Variants in CNTNAP2 observed in about 807,000 individuals in gnomAD.
CNTNAP2 encodes contactin-associated protein-like 2.
A neutral mutation model predicts 155.2 loss-of-function variants in CNTNAP2; 98 were observed. The observed-to-expected ratio is 0.63, with a 90% CI of 0.54 to 0.75. CNTNAP2 has a LOEUF of 0.75. Ranked by LOEUF, CNTNAP2 falls within the 30% of genes least tolerant of loss-of-function variation. The probability of loss-of-function intolerance (pLI) is 0.00; values close to 1 mark genes in which losing one functional copy is unlikely to be tolerated. For missense variants in CNTNAP2, 1,727 were observed against 1,688.1 expected (o/e 1.02, Z -0.40); for synonymous variants, 651 against 631.2 (o/e 1.03, Z -0.47).
intron 13 of CNTNAP2, among the ~76,000 whole-genome samples, chr7:147,872,173 G>T (rs551075574): frequency 6.6e-6 from 1 of 152,126 alleles, no homozygotes; most frequent in African/African-American, 2.4e-5. Flanking sequence ...GCATGATTTG[G>T]TTATTTTGGA....
intron 8 of CNTNAP2, among the ~76,000 whole-genome samples, chr7:147,184,480 A>T (rs1017305620): frequency 6.6e-6 from 1 of 152,224 alleles, no homozygotes; most frequent in Non-Finnish European, 1.5e-5. Context: ...AGACTCTTGT[A>T]TAAACTATGG....
intron 2 of CNTNAP2, among the ~76,000 whole-genome samples, chr7:146,778,602 C>G (rs182147114): frequency 6.6e-6 from 1 of 152,312 alleles, no homozygotes; most frequent in Non-Finnish European, 1.5e-5. Context: ...ATGTGTTACT[C>G]TTTCCAAGGT....
chr7:147,980,909 T>C (rs1423194142), intron 15 of CNTNAP2, among the ~76,000 whole-genome samples: 2 of 117,500 alleles, frequency 1.7e-5, no homozygotes, highest in Non-Finnish European at 3.2e-5. Context: ...CCGGCCTGGG[T>C]GACAGAGCAA....
rs112192959 is a variant in CNTNAP2, at chr7:147,077,288, A to G, written c.551-30859A>G. Among the ~76,000 whole-genome samples, 915 of 152,248 alleles carry G rather than the reference A, an allele frequency of 6.0e-3. 3 individuals carry two copies. Among genetic ancestry groups the G allele is most frequent in the Non-Finnish European group, 9.5e-3 (648 of 68,012 alleles). The stretch of plus-strand genomic sequence containing the variant: ...AACCTACATTTGTATCTTTAGTTCT[A>G]AAATTACAGGTGGCCCTAATTCTTT... On this transcript the variant is annotated intron_variant, in intron 4 of 23. Transcript: ENST00000361727.
intron 16 of CNTNAP2, among the ~76,000 whole-genome samples, chr7:148,145,479 C>T (rs759234941): frequency 1.2e-4 from 18 of 152,138 alleles, no homozygotes; most frequent in East Asian, 3.9e-4. Context: ...TTTATCCCTA[C>T]GAGTCAAACC....
At chr7:147,534,529 T>C (rs1449643681) in intron 11 of CNTNAP2, among the ~76,000 whole-genome samples, 1 of 152,084 alleles carries the variant, frequency 6.6e-6, no homozygotes, top group Non-Finnish European at 1.5e-5. Flanking sequence ...ACTTTCAGAT[T>C]GATGGTTTCG....
At chr7:148,106,517 T>TATATATATATATATATATATATAG (rs1804224754) in intron 15 of CNTNAP2, among the ~76,000 whole-genome samples, 1 of 146,490 alleles carries the variant, frequency 6.8e-6, no homozygotes, top group African/African-American at 2.5e-5. Context: ...TATATATATA[T>TATATATATATATATATATATATAG]ATACATATTT....
At chr7:148,326,757 C>T (rs1332799154) in intron 21 of CNTNAP2, among the ~76,000 whole-genome samples, 1 of 151,222 alleles carries the variant, frequency 6.6e-6, no homozygotes, top group African/African-American at 2.4e-5. Context: ...CCCAGCTACT[C>T]GGGAGGCTGA....
At chr7:148,186,102 C>T (rs1001919412) in intron 18 of CNTNAP2, among the ~76,000 whole-genome samples, 6 of 152,226 alleles carry the variant, frequency 3.9e-5, no homozygotes, top group South Asian at 2.1e-4. Context: ...TATTCCAACA[C>T]TTCTTCTATT....
intron 1 of CNTNAP2, among the ~76,000 whole-genome samples, chr7:146,193,892 T>G (rs79849676): frequency 0.033 from 5,045 of 152,244 alleles, 280 homozygotes; most frequent in African/African-American, 0.12. Flanking sequence ...ATACCCTAAA[T>G]CATCTCTCTC....
At chr7:147,545,309 G>T (rs1468415611) in intron 11 of CNTNAP2, among the ~76,000 whole-genome samples, 1 of 152,014 alleles carries the variant, frequency 6.6e-6, no homozygotes, top group Non-Finnish European at 1.5e-5. Flanking sequence ...TCAGCATTTT[G>T]GTAGTAGCAA....
At chr7:146,851,038 G>T (rs535232647) in intron 3 of CNTNAP2, among the ~76,000 whole-genome samples, 12 of 152,228 alleles carry the variant, frequency 7.9e-5, no homozygotes, top group African/African-American at 1.4e-4. Flanking sequence ...AGGCTGGAGT[G>T]CAGTTTCCCA....
chr7:147,867,516 TCTC>T (rs1431165613), intron 13 of CNTNAP2, among the ~76,000 whole-genome samples: 1 of 152,168 alleles, frequency 6.6e-6, no homozygotes, highest in East Asian at 1.9e-4. Flanking sequence ...TTGGGGAAGT[TCTC>T]CTGGATAATA....
chr7:146,573,661 G>A (rs1798477021), intron 1 of CNTNAP2, among the ~76,000 whole-genome samples: 1 of 152,306 alleles, frequency 6.6e-6, no homozygotes, highest in South Asian at 2.1e-4. Context: ...TTTAGCGGCA[G>A]TGCACACAAA....
Position 147,719,956 on chromosome 7 carries a change from C to A in CNTNAP2, c.2098+80650C>A, listed in dbSNP as rs116328783. ...ATTCACATCAAAGTTAATATGTTCC[C>A]GCCTTGTAACACACCCACCTTGTAC... On this transcript the variant is annotated intron_variant, in intron 13 of 23. Transcript: ENST00000361727. Among the ~76,000 whole-genome samples, 999 of 152,160 alleles carry A rather than the reference C, an allele frequency of 6.6e-3. 12 individuals carry two copies. Among genetic ancestry groups the A allele is most frequent in the African/African-American group, 0.023 (939 of 41,534 alleles).
chr7:146,338,520 T>C (rs972955180), intron 1 of CNTNAP2, among the ~76,000 whole-genome samples: 1 of 152,098 alleles, frequency 6.6e-6, no homozygotes, highest in African/African-American at 2.4e-5. Flanking sequence ...TAGAGGAGTT[T>C]TCTGGTGTGA....
intron 12 of CNTNAP2, among the ~76,000 whole-genome samples, chr7:147,626,149 C>A (rs1323035193): frequency 3.3e-5 from 5 of 152,102 alleles, no homozygotes; most frequent in Admixed American, 2.6e-4. Context: ...CAACTGGGCA[C>A]AAATCTTCTC....
At chr7:147,385,205 T>C (rs1407479931) in intron 9 of CNTNAP2, among the ~76,000 whole-genome samples, 1 of 152,124 alleles carries the variant, frequency 6.6e-6, no homozygotes, top group Admixed American at 6.6e-5. Context: ...GTGGGAAGTG[T>C]GGGAGTTACA....
chr7:148,133,181 G>A (rs566074386), intron 16 of CNTNAP2, among the ~76,000 whole-genome samples: 114 of 152,210 alleles, frequency 7.5e-4, no homozygotes, highest in African/African-American at 2.7e-3. Flanking sequence ...TGCATGCTAT[G>A]GTCGGTCACG....
Sources: gnomAD v4.1 joint callset for allele counts (sites outside exome capture counted in the v4.1 genomes callset) on GRCh38, gnomAD v4.1.1 for gene constraint, MANE v1.5 for transcripts, NCBI Gene and HGNC (gene_info 2026-07-23, HGNC 2026-07-21) for gene names.